Variants in HS1BP3 observed in about 807,000 individuals in gnomAD.
HS1BP3 encodes the protein HCLS1 binding protein 3.
In HS1BP3, 32 loss-of-function variants were observed where a neutral mutation model predicts 33.5. The observed-to-expected ratio is 0.95, with a 90% CI of 0.72 to 1.28. The LOEUF (loss-of-function observed/expected upper bound fraction) is 1.28. HS1BP3 is among the 50% of genes most tolerant of loss of function. The pLI is 0.00. For missense variants in HS1BP3, 486 were observed against 502.3 expected (o/e 0.97, Z 0.31); for synonymous variants, 187 against 209.2 (o/e 0.89, Z 0.92).
At chr2:20,648,823 C>T (rs1349176585) in intron 1 of HS1BP3, among the ~76,000 whole-genome samples, 1 of 152,240 alleles carries the variant, frequency 6.6e-6, no homozygotes, top group Non-Finnish European at 1.5e-5. Flanking sequence ...ACAAATGCTG[C>T]TTCTACCTCT....
At chr2:20,566,963 T>C (rs1210238867) in intron 5 of HS1BP3, among the ~76,000 whole-genome samples, 1 of 152,030 alleles carries the variant, frequency 6.6e-6, no homozygotes, top group Non-Finnish European at 1.5e-5. Flanking sequence ...TTCTAGCCCC[T>C]GAACCCCTGA....
intron 6 of HS1BP3, chr2:20,622,430 C>T (rs1694634987): frequency 1.4e-6 from 1 of 738,432 alleles, no homozygotes; most frequent in Non-Finnish European, 2.1e-6. Context: ...CCCAAGCGCT[C>T]TGCGGGATGC....
intron 1 of HS1BP3, among the ~76,000 whole-genome samples, chr2:20,649,282 C>A (rs1383888771): frequency 6.6e-6 from 1 of 152,240 alleles, no homozygotes; most frequent in East Asian, 1.9e-4. Flanking sequence ...GCCTCGGGAC[C>A]CTGGCTCCTG....
At chr2:20,624,124 G>A in intron 5 of HS1BP3, 93 bp from the exon 6 acceptor site, 6 of 1,438,924 alleles carry the variant, frequency 4.2e-6, no homozygotes, top group Non-Finnish European at 4.7e-6. Context: ...GAAGTCTTCT[G>A]GGCAGTCCTA....
At chr2:20,633,257 C>T (rs1356686298) in intron 4 of HS1BP3, among the ~76,000 whole-genome samples, 1 of 152,214 alleles carries the variant, frequency 6.6e-6, no homozygotes, top group Non-Finnish European at 1.5e-5. Flanking sequence ...CTCTAAGGGG[C>T]CCTCGCCTTC....
chr2:20,593,858 A>G (rs1178518165), intron 3 of HS1BP3, among the ~76,000 whole-genome samples: 3 of 152,216 alleles, frequency 2.0e-5, no homozygotes, highest in African/African-American at 7.2e-5. Flanking sequence ...ATGGTCCTCC[A>G]GGGCCGGCAT....
intron 5 of HS1BP3, among the ~76,000 whole-genome samples, chr2:20,587,061 T>G (rs1457011875): frequency 6.6e-6 from 1 of 152,170 alleles, no homozygotes; most frequent in Non-Finnish European, 1.5e-5. Flanking sequence ...GTAAATGTCT[T>G]GAAATTTTCT....
chr2:20,570,215 C>T (rs1189496332), intron 5 of HS1BP3, among the ~76,000 whole-genome samples: 1 of 152,086 alleles, frequency 6.6e-6, no homozygotes, highest in Non-Finnish European at 1.5e-5. Context: ...GCTGGGACAC[C>T]AGAATATGGA....
chr2:20,572,271 C>T (rs1693293024), intron 5 of HS1BP3, among the ~76,000 whole-genome samples: 2 of 152,166 alleles, frequency 1.3e-5, no homozygotes, highest in Non-Finnish European at 2.9e-5. Flanking sequence ...CTCAGAACAC[C>T]AAGATTTCTA....
chr2:20,606,416 C>A, intron 2 of HS1BP3: 1 of 476,100 alleles, frequency 2.1e-6, no homozygotes, highest in South Asian at 1.7e-5. Context: ...CAGGGAGACT[C>A]AAATCTTCAG....
At chr2:20,579,919 T>C (rs1693492060) in intron 5 of HS1BP3, among the ~76,000 whole-genome samples, 1 of 152,270 alleles carries the variant, frequency 6.6e-6, no homozygotes, top group African/African-American at 2.4e-5. Flanking sequence ...ACAAAGGTTC[T>C]GCATGTGATC....
rs1694885794 is a variant in HS1BP3 at position 20,629,032 on chromosome 2, G to C, written c.624-4140C>G. ...GAGAGCAGCGGTGGTGCGAGGGGAAGACAGGCTAGGGGGAACTTCAGAAGG... is the reference window on the plus strand; with the variant it reads ...GAGAGCAGCGGTGGTGCGAGGGGAACACAGGCTAGGGGGAACTTCAGAAGG... On this transcript the variant is annotated intron_variant, in intron 4 of 6. Coordinates refer to ENST00000304031, the MANE Select transcript of HS1BP3 (RefSeq NM_022460.4). 2.0e-5 allele frequency among the ~76,000 whole-genome samples: 3 copies of C among 152,184 alleles called. No individual in the cohort carries two copies. The South Asian group carries it at 6.2e-4, about 31-fold the overall frequency.
At chr2:20,626,279 A>G (rs1334511256) in intron 4 of HS1BP3, among the ~76,000 whole-genome samples, 3 of 152,238 alleles carry the variant, frequency 2.0e-5, no homozygotes, top group Admixed American at 2.0e-4. Flanking sequence ...AGGAGAAACT[A>G]TGAAAGCCAG....
chr2:20,557,282 T>C (rs1361297622), downstream of HS1BP3, among the ~76,000 whole-genome samples: 1 of 152,136 alleles, frequency 6.6e-6, no homozygotes, highest in African/African-American at 2.4e-5. Context: ...TTCATAAGGG[T>C]ATTTTAGGAT....
rs571183051 is a variant in HS1BP3 at position 20,581,580 on chromosome 2, C to T, written c.303-21065G>A. The stretch of plus-strand genomic sequence containing the variant: ...GCCCAGGCTGGTCTCAAACTCCAGA[C>T]CTCAGGTGATCTGCCTGCCTCAACC... On this transcript the variant is annotated intron_variant, in intron 5 of 5. Coordinates refer to the HS1BP3 transcript ENST00000446825. 7.2e-5 allele frequency among the ~76,000 whole-genome samples: 11 copies of T among 152,314 alleles called. No homozygotes were observed. In the South Asian group the frequency reaches 2.3e-3, roughly 32 times the overall value.
At chr2:20,583,780 C>A (rs1693616320) in intron 5 of HS1BP3, among the ~76,000 whole-genome samples, 1 of 152,194 alleles carries the variant, frequency 6.6e-6, no homozygotes, top group African/African-American at 2.4e-5. Context: ...CATCATGACA[C>A]CTGGGGCTCG....
intron 5 of HS1BP3, among the ~76,000 whole-genome samples, chr2:20,565,650 G>C (rs982834837): frequency 6.6e-6 from 1 of 152,242 alleles, no homozygotes; most frequent in African/African-American, 2.4e-5. Flanking sequence ...TGCAACTAGG[G>C]TACGTCTAAT....
chr2:20,642,054 A>G lies in HS1BP3; in HGVS notation c.199-874T>C, dbSNP rs573661321. ...ACCTACCCTCACTCCTAGCTCCTCT[A>G]TCACCTGCTGTATGCACACACCATC... On this transcript the variant is annotated intron_variant, in intron 2 of 6. Coordinates refer to ENST00000304031, the MANE Select transcript of HS1BP3 (RefSeq NM_022460.4). Among the ~76,000 whole-genome samples, 108 of 151,988 alleles carry G rather than the reference A, an allele frequency of 7.1e-4. 1 individual carries two copies. Among genetic ancestry groups the G allele is most frequent in the African/African-American group, 2.2e-3 (92 of 41,458 alleles).
downstream of HS1BP3, among the ~76,000 whole-genome samples, chr2:20,616,392 G>A (rs940730405): frequency 6.6e-6 from 1 of 152,192 alleles, no homozygotes; most frequent in South Asian, 2.1e-4. Flanking sequence ...TGGGTCCCAG[G>A]GCTGAAGCTG....
Sources: allele counts gnomAD v4.1 joint callset (sites outside exome capture counted in the v4.1 genomes callset), GRCh38; gene constraint gnomAD v4.1.1; transcripts MANE v1.5; gene names NCBI Gene and HGNC (gene_info 2026-07-23, HGNC 2026-07-21).